The following BTG4 variants were observed in gnomAD, a reference collection of about 807,000 sequenced individuals.
BTG4 encodes the protein BTG anti-proliferation factor 4, also known as protein BTG4.
Under a neutral mutation model 19.3 loss-of-function variants are expected in BTG4, and 10 were observed. The ratio of observed to expected loss-of-function variants is 0.52; its 90% confidence interval spans 0.32 to 0.88. The LOEUF is 0.88. Among genes scored for constraint, BTG4 ranks in the 40% least tolerant of loss-of-function variants. BTG4 has a pLI of 0.04. For missense variants in BTG4, 238 were observed against 281.9 expected, an observed-to-expected ratio of 0.84 and a Z score of 1.11; for synonymous variants, 91 against 95.7, an observed-to-expected ratio of 0.95 and a Z score of 0.29.
the BTG4 span, among the ~76,000 whole-genome samples, chr11:111,449,125 T>C: frequency 2.6e-5 from 4 of 152,152 alleles, no homozygotes; most frequent in Non-Finnish European, 5.9e-5. Flanking sequence ...ATTGAAATGA[T>C]AGCACCAGCC....
chr11:111,456,431 C>T, the BTG4 span: 4 of 437,268 alleles, frequency 9.1e-6, no homozygotes, highest in Non-Finnish European at 1.9e-5. This position sits in a 1 kb window ranked among gnomAD's most constrained non-coding sequence, Gnocchi z 4.2. Flanking sequence ...TCCTTCCAGT[C>T]ACCAGCCAAG....
downstream of BTG4, among the ~76,000 whole-genome samples, chr11:111,465,939 CATT>C (rs1863695596): frequency 6.6e-6 from 1 of 152,134 alleles, no homozygotes; most frequent in Admixed American, 6.5e-5. Context: ...TGACCAATCT[CATT>C]ATTAATTCCT....
the BTG4 span, among the ~76,000 whole-genome samples, chr11:111,391,516 T>G: frequency 6.6e-6 from 1 of 152,160 alleles, no homozygotes; most frequent in Admixed American, 6.5e-5. Context: ...TGGCCGGGAC[T>G]TCTTCCTCCT....
At chr11:111,473,081 G>GAA (rs149225761) in intron 5 of BTG4, among the ~76,000 whole-genome samples, 5 of 132,558 alleles carry the variant, frequency 3.8e-5, no homozygotes, top group African/African-American at 1.4e-4. Context: ...GCCTAGAAGT[G>GAA]AAAAAAAAAA....
intron 1 of BTG4, among the ~76,000 whole-genome samples, chr11:111,500,155 A>T (rs915003134): frequency 6.6e-6 from 1 of 151,968 alleles, no homozygotes; most frequent in South Asian, 2.1e-4. Flanking sequence ...AAATAAAAAT[A>T]AAAATAAATT....
the BTG4 span, among the ~76,000 whole-genome samples, chr11:111,403,885 C>G: frequency 2.6e-5 from 4 of 152,122 alleles, no homozygotes; most frequent in African/African-American, 9.7e-5. Flanking sequence ...ACAAAAATAT[C>G]ATTTTAGAAA....
chr11:111,491,799 T>C (rs1865437312), downstream of BTG4, among the ~76,000 whole-genome samples: 1 of 150,856 alleles, frequency 6.6e-6, no homozygotes, highest in Non-Finnish European at 1.5e-5. Flanking sequence ...ATACTCATCA[T>C]AGAAAATTTT....
the BTG4 span, among the ~76,000 whole-genome samples, chr11:111,412,159 T>G: frequency 6.6e-6 from 1 of 152,132 alleles, no homozygotes; most frequent in African/African-American, 2.4e-5. Flanking sequence ...AGAAAAGAAG[T>G]GAGCAGGTTC....
At chr11:111,454,725 A>G in the BTG4 span, among the ~76,000 whole-genome samples, 1 of 151,382 alleles carries the variant, frequency 6.6e-6, no homozygotes, top group African/African-American at 2.4e-5. Flanking sequence ...AAGTCCAAGT[A>G]CCAAAACTGG....
the BTG4 span, among the ~76,000 whole-genome samples, chr11:111,386,959 T>G: frequency 1.3e-5 from 2 of 152,354 alleles, 1 homozygote; most frequent in Middle Eastern, 6.8e-3. Flanking sequence ...AGAGCCTGGT[T>G]TGGAATCTGG....
chr11:111,412,801 G>A, the BTG4 span, among the ~76,000 whole-genome samples: 6 of 152,188 alleles, frequency 3.9e-5, no homozygotes, highest in African/African-American at 9.7e-5. Flanking sequence ...AAGTCATAAC[G>A]GAAGAATGGC....
the BTG4 span, among the ~76,000 whole-genome samples, chr11:111,411,890 T>G: frequency 6.6e-6 from 1 of 152,188 alleles, no homozygotes; most frequent in African/African-American, 2.4e-5. Flanking sequence ...TAAAATAAAT[T>G]CATTGAGGGA....
At chr11:111,470,687 C>G (rs201544184) in intron 5 of BTG4, among the ~76,000 whole-genome samples, 1 of 152,142 alleles carries the variant, frequency 6.6e-6, no homozygotes. Flanking sequence ...GAGGCCGAGG[C>G]AGAAAGATCA....
At chr11:111,504,387 T>G (rs1866301137) in intron 1 of BTG4, among the ~76,000 whole-genome samples, 1 of 152,210 alleles carries the variant, frequency 6.6e-6, no homozygotes, top group South Asian at 2.1e-4. Flanking sequence ...TCAAAAGAAA[T>G]TAATTTTAGT....
chr11:111,481,103 T>C (rs1005249591), intron 5 of BTG4, among the ~76,000 whole-genome samples: 1 of 151,878 alleles, frequency 6.6e-6, no homozygotes, highest in Non-Finnish European at 1.5e-5. Context: ...AGAATGAATG[T>C]AGGGATACCA....
chr11:111,398,423 A>C, the BTG4 span, among the ~76,000 whole-genome samples: 3 of 152,202 alleles, frequency 2.0e-5, no homozygotes, highest in South Asian at 6.2e-4. Context: ...CTGATTCAGG[A>C]GGTCTCGTTC....
intron 1 of BTG4, among the ~76,000 whole-genome samples, chr11:111,507,611 C>A (rs1290559375): frequency 6.6e-6 from 1 of 152,126 alleles, no homozygotes; most frequent in Non-Finnish European, 1.5e-5. Context: ...GTGGTGGTGC[C>A]AATGCAGCAG....
At chr11:111,483,901 C>A (rs1334369825) in intron 5 of BTG4, among the ~76,000 whole-genome samples, 2 of 152,036 alleles carry the variant, frequency 1.3e-5, no homozygotes, top group Admixed American at 6.6e-5. Flanking sequence ...AAAGATTCAA[C>A]CTAAATAAGA....
chr11:111,474,497 G>C (rs1864280702), intron 5 of BTG4, among the ~76,000 whole-genome samples: 1 of 152,148 alleles, frequency 6.6e-6, no homozygotes, highest in Non-Finnish European at 1.5e-5. Flanking sequence ...CACATTGTGG[G>C]AGGTAGTTGT....
Sources: gnomAD v4.1 joint callset for allele counts (sites outside exome capture counted in the v4.1 genomes callset) on GRCh38, gnomAD v4.1.1 for gene constraint, Gnocchi (gnomAD v3.1) non-coding constraint, MANE v1.5 for transcripts, NCBI Gene and HGNC (gene_info 2026-07-23, HGNC 2026-07-21) for gene names.